The following ASIC2 variants were observed in gnomAD, a reference collection of about 807,000 sequenced individuals.
The protein encoded by ASIC2 is acid-sensing ion channel 2.
Under a neutral mutation model 57.3 loss-of-function variants are expected in ASIC2, and 25 were observed. The ratio of observed to expected loss-of-function variants is 0.44; its 90% confidence interval spans 0.32 to 0.61. ASIC2 has a LOEUF of 0.61. Ranked by LOEUF, ASIC2 falls within the 20% of genes least tolerant of loss-of-function variation. The probability of loss-of-function intolerance (pLI) is 0.06; values close to 1 mark genes in which losing one functional copy is unlikely to be tolerated. For synonymous variants in ASIC2, 319 were observed against 307.5 expected, an observed-to-expected ratio of 1.04 and a Z score of -0.39; for missense variants, 641 against 738.1, an observed-to-expected ratio of 0.87 and a Z score of 1.52.
In ASIC2 at chr17:33,030,595, T is replaced by C. The variant is rs566956012; in HGVS notation, c.988-2203A>G. ...TGGAGAGAGAGGATATCTTCCCTTTTTCCATCTTAGGAAGGAGGGTTCATT... is the reference window on the plus strand; with the variant it reads ...TGGAGAGAGAGGATATCTTCCCTTTCTCCATCTTAGGAAGGAGGGTTCATT... On this transcript the variant is annotated intron_variant, in intron 3 of 9. Coordinates refer to ENST00000225823, the MANE Select transcript of ASIC2 (RefSeq NM_183377.2). Among the ~76,000 whole-genome samples the C allele has an allele frequency of 2.0e-5, 3 of 152,324 alleles. No individual in the cohort carries two copies. In the East Asian group the frequency reaches 5.8e-4, roughly 29 times the overall value.
intron 1 of ASIC2, among the ~76,000 whole-genome samples, chr17:33,480,863 C>A (rs1913381820): frequency 6.6e-6 from 1 of 152,198 alleles, no homozygotes; most frequent in Admixed American, 6.5e-5. Flanking sequence ...CAGCATCCAA[C>A]ACCCATGCCT....
At position 33,132,727 on chromosome 17, in the gene ASIC2, A is replaced by C. The variant is rs564757661; in HGVS notation, c.709-20660T>G. ...TCCTGGGTCCTGGCTTTATGCAGGCATCTTGGTTCCAGGGCTGTCTCATGT... is the reference window on the plus strand; with the variant it reads ...TCCTGGGTCCTGGCTTTATGCAGGCCTCTTGGTTCCAGGGCTGTCTCATGT... On this transcript the variant is annotated intron_variant, in intron 1 of 9. Transcript: ENST00000225823. 5.9e-5 allele frequency among the ~76,000 whole-genome samples: 9 copies of C among 152,304 alleles called. No individual in the cohort carries two copies. The East Asian group carries it at 1.7e-3, about 29-fold the overall frequency.
At chr17:34,151,231 C>A (rs755955221) in intron 1 of ASIC2, among the ~76,000 whole-genome samples, 10 of 152,094 alleles carry the variant, frequency 6.6e-5, no homozygotes, top group Admixed American at 2.0e-4. Flanking sequence ...CATGGTATTT[C>A]CTGTGGGCAG....
intron 1 of ASIC2, among the ~76,000 whole-genome samples, chr17:33,816,408 T>G (rs542041232): frequency 2.0e-5 from 3 of 152,170 alleles, no homozygotes; most frequent in Admixed American, 2.0e-4. Flanking sequence ...AGCTGATATA[T>G]CATATATGTT....
chr17:33,305,154 C>T (rs192834447), intron 1 of ASIC2, among the ~76,000 whole-genome samples: 1 of 152,246 alleles, frequency 6.6e-6, no homozygotes, highest in Admixed American at 6.5e-5. Flanking sequence ...TCATTTAACT[C>T]CCACGGTATC....
intron 1 of ASIC2, among the ~76,000 whole-genome samples, chr17:33,506,412 CAA>C (rs71144886): frequency 1.2e-4 from 8 of 66,862 alleles, no homozygotes; most frequent in South Asian, 5.2e-4. Flanking sequence ...GACTCCGTCT[CAA>C]AAAAAAAAAA....
chr17:33,873,308 A>G (rs1254306120), intron 1 of ASIC2, among the ~76,000 whole-genome samples: 1 of 152,176 alleles, frequency 6.6e-6, no homozygotes, highest in Non-Finnish European at 1.5e-5. Flanking sequence ...TGAACACACA[A>G]ACTGACTTCA....
At chr17:34,124,650 C>T (rs1187778413) in intron 1 of ASIC2, among the ~76,000 whole-genome samples, 1 of 152,138 alleles carries the variant, frequency 6.6e-6, no homozygotes, top group Non-Finnish European at 1.5e-5. Context: ...CTCACACTTC[C>T]AAGTCTGGAA....
At chr17:33,119,931 A>C (rs2092294888) in intron 1 of ASIC2, among the ~76,000 whole-genome samples, 1 of 152,154 alleles carries the variant, frequency 6.6e-6, no homozygotes, top group Non-Finnish European at 1.5e-5. Flanking sequence ...AGGATAAGCA[A>C]TCATGTGGAG....
At chr17:33,145,265 G>C (rs930815434) in intron 1 of ASIC2, among the ~76,000 whole-genome samples, 1 of 152,212 alleles carries the variant, frequency 6.6e-6, no homozygotes, top group African/African-American at 2.4e-5. Flanking sequence ...GGCATCAGGG[G>C]ACATTGATGG....
chr17:33,859,656 G>A (rs1597905625), intron 1 of ASIC2, among the ~76,000 whole-genome samples: 1 of 152,206 alleles, frequency 6.6e-6, no homozygotes, highest in Non-Finnish European at 1.5e-5. Context: ...AGAGGCCATG[G>A]TGACATGGGC....
At chr17:34,070,435 G>A (rs1458921115) in intron 1 of ASIC2, 1 of 152,118 alleles carries the variant, frequency 6.6e-6, no homozygotes, top group Non-Finnish European at 1.5e-5. Context: ...GTACCTTCTA[G>A]AAACTCAGAG....
At chr17:33,902,496 A>G (rs1000808375) in intron 1 of ASIC2, among the ~76,000 whole-genome samples, 2 of 152,222 alleles carry the variant, frequency 1.3e-5, no homozygotes, top group South Asian at 4.1e-4. Flanking sequence ...CCCAAGAAGT[A>G]TGTCCACTTC....
intron 1 of ASIC2, among the ~76,000 whole-genome samples, chr17:33,428,573 A>G (rs1911295729): frequency 6.6e-6 from 1 of 152,130 alleles, no homozygotes; most frequent in Admixed American, 6.5e-5. Flanking sequence ...GGATCCCTAA[A>G]TTTCCCTTAG....
intron 1 of ASIC2, among the ~76,000 whole-genome samples, chr17:33,279,537 G>A (rs2142166905): frequency 6.6e-6 from 1 of 152,266 alleles, no homozygotes; most frequent in African/African-American, 2.4e-5. Context: ...TAAAATTCTT[G>A]GAACGTGGAG....
chr17:33,125,098 T>G (rs1349709922), intron 1 of ASIC2, among the ~76,000 whole-genome samples: 2 of 152,222 alleles, frequency 1.3e-5, no homozygotes, highest in African/African-American at 4.8e-5. Context: ...CCTCCTGCTC[T>G]GTGGCCCAGT....
chr17:33,881,870 C>T (rs1914708231), intron 1 of ASIC2, among the ~76,000 whole-genome samples: 1 of 152,192 alleles, frequency 6.6e-6, no homozygotes, highest in African/African-American at 2.4e-5. Context: ...TACTGCAAGG[C>T]TACAGTAACC....
At chr17:33,737,304 G>T (rs952389552) in intron 1 of ASIC2, among the ~76,000 whole-genome samples, 1 of 152,216 alleles carries the variant, frequency 6.6e-6, no homozygotes, top group African/African-American at 2.4e-5. Context: ...TAGCTATTAC[G>T]AACAAGAGGT....
At chr17:33,313,555 T>C (rs1651920790) in intron 1 of ASIC2, among the ~76,000 whole-genome samples, 1 of 150,416 alleles carries the variant, frequency 6.6e-6, no homozygotes, top group African/African-American at 2.4e-5. Flanking sequence ...CACAGGAATG[T>C]GGACTTTATC....
Sources: allele counts gnomAD v4.1 joint callset (sites outside exome capture counted in the v4.1 genomes callset), GRCh38; gene constraint gnomAD v4.1.1; transcripts MANE v1.5; gene names NCBI Gene and HGNC (gene_info 2026-07-23, HGNC 2026-07-21).